GOLGA2: variants seen among roughly 807,000 people sequenced by gnomAD.
GOLGA2 encodes the protein golgin A2, also known as golgin subfamily A member 2.
A neutral mutation model predicts 148.8 loss-of-function variants in GOLGA2; 49 were observed. The ratio of observed to expected loss-of-function variants is 0.33; its 90% CI spans 0.26 to 0.42. The LOEUF (loss-of-function observed/expected upper bound fraction) is 0.42, where lower values mean the gene tolerates loss of function less well. GOLGA2 is among the 10% of genes least tolerant of loss of function. GOLGA2 has a pLI of 1.00. For synonymous variants in GOLGA2, 501 were observed against 511.8 expected (o/e 0.98, Z 0.28); for missense variants, 1,178 against 1,304.6 (o/e 0.90, Z 1.49).
chr9:128,262,953 C>A, intron 13 of GOLGA2, 81 bp downstream of exon 13: 1 of 992,770 alleles, frequency 1.0e-6, no homozygotes. Flanking sequence ...CCTCATCATG[C>A]TTACCTGTAC....
At chr9:128,262,807 T>C in intron 13 of GOLGA2, 103 bp from the exon 14 acceptor site, 1 of 1,119,376 alleles carries the variant, frequency 8.9e-7, no homozygotes, top group Non-Finnish European at 1.3e-6. Flanking sequence ...ACTGTGGCAC[T>C]GGAAGGAACC....
intron 4 of GOLGA2, 67 bp from the exon 5 acceptor site, chr9:128,268,227 G>A: frequency 7.3e-7 from 1 of 1,366,552 alleles, no homozygotes. Flanking sequence ...GATGGGGTGA[G>A]TCAAGCTCCC....
chr9:128,275,095 C>A (rs1169241854), intron 1 of GOLGA2, among the ~76,000 whole-genome samples: 1 of 151,682 alleles, frequency 6.6e-6, no homozygotes, highest in African/African-American at 2.4e-5. Flanking sequence ...CACATTGCCA[C>A]CCAGAGATAC....
rs1443273631 is a variant in GOLGA2 at position 128,256,847 on chromosome 9, C to CT, written c.*219dup. 2 of 414,478 alleles carry CT rather than the reference C, an allele frequency of 4.8e-6. No homozygotes were observed. The highest frequency in any genetic ancestry group is 8.6e-6 in the Non-Finnish European group (2 of 232,478). The allele number at this position is 414,478 out of a possible 1,614,324, so 25.7% of individuals were successfully genotyped here. On this transcript the variant is annotated 3_prime_UTR_variant, in exon 27 of 27. Coordinates refer to ENST00000611957, the MANE Select transcript of GOLGA2 (RefSeq NM_001366244.2). ...ACCCATAACCTTTTTTATCCCATAA[C>CT]TTTTTTTAATCCCATAACTTTTAAT...
chr9:128,261,600 T>A lies in GOLGA2; in HGVS notation c.1225-39A>T. On this transcript the variant is annotated intron_variant, in intron 15 of 26. Transcript: ENST00000611957. The surrounding 1 kb of genome is among the most constrained non-coding windows in gnomAD (Gnocchi z 5.7). ...CACAGAAATGAGGAAGGACTGTCAC[T>A]GGTTGTCACCTACTCCTGGCCACCT... The A allele has an allele frequency of 6.6e-7, 1 of 1,518,982 alleles. No homozygotes were observed. The highest frequency in any genetic ancestry group is 1.1e-5 in the South Asian group (1 of 89,280). 94.1% of individuals were successfully genotyped at this position (1,518,982 alleles called of 1,614,324 possible). A position where few individuals can be genotyped will look rare whatever the true frequency, so the allele number is the denominator to read the frequency against.
chr9:128,258,681 A>C lies in GOLGA2; in HGVS notation c.2174-111T>G. On this transcript the variant is annotated intron_variant, in intron 21 of 26. Transcript: ENST00000611957. This position sits in a 1 kb window ranked among gnomAD's most constrained non-coding sequence, Gnocchi z 6.6. ...TGGGCCAGCCCCTCCCCAGAGGGAA[A>C]TAAGCATCTGTTCTTTATTTTTATT... 1 of 736,012 alleles carries C rather than the reference A, an allele frequency of 1.4e-6. No homozygotes were observed. Among genetic ancestry groups the C allele is most frequent in the Non-Finnish European group, 2.2e-6 (1 of 449,302 alleles). The allele number at this position is 736,012 out of a possible 1,614,324, so 45.6% of individuals were successfully genotyped here. A position where few individuals can be genotyped will look rare whatever the true frequency, so the allele number is the denominator to read the frequency against.
Position 128,275,887 on chromosome 9 carries a change from C to G in GOLGA2, c.84+6G>C. Reference sequence around the variant, plus strand: ...GGTCGGGGGGCCGCGACCCGGTGCACTTTACCTTTTTCTTCGCTGCGGCCA... The same window carrying G: ...GGTCGGGGGGCCGCGACCCGGTGCAGTTTACCTTTTTCTTCGCTGCGGCCA... On this transcript the variant is annotated splice_donor_region_variant and intron_variant, in intron 1 of 26. Transcript: ENST00000611957. 2.6e-6 allele frequency: 4 copies of G among 1,533,492 alleles called. No individual in the cohort carries two copies. The highest frequency in any genetic ancestry group is 3.5e-6 in the Non-Finnish European group (4 of 1,127,724). 95.0% of individuals were successfully genotyped at this position (1,533,492 alleles called of 1,614,324 possible).
chr9:128,272,740 C>T (rs753452377), intron 3 of GOLGA2, 45 bp downstream of exon 3: 6 of 701,094 alleles, frequency 8.6e-6, no homozygotes, highest in African/African-American at 7.5e-5. Context: ...GGGGCATGCA[C>T]AGCTGGAGAG....
At chr9:128,273,249 G>A (rs1373507284) in intron 2 of GOLGA2, among the ~76,000 whole-genome samples, 2 of 152,124 alleles carry the variant, frequency 1.3e-5, no homozygotes, top group African/African-American at 4.8e-5. Context: ...TGAACAAAGG[G>A]GGCTCCAGCT....
At chr9:128,262,925 T>C in intron 13 of GOLGA2, 109 bp downstream of exon 13, 2 of 862,582 alleles carry the variant, frequency 2.3e-6, no homozygotes, top group Non-Finnish European at 3.9e-6. Context: ...TGGGCACACA[T>C]GCACACCTCT....
chr9:128,256,872 T>G lies in GOLGA2; in HGVS notation c.*195A>C, dbSNP rs1005743721. On this transcript the variant is annotated 3_prime_UTR_variant, in exon 27 of 27. Transcript: ENST00000611957. Reference sequence around the variant, plus strand: ...CTTTTTTTAATCCCATAACTTTTAATTTTTTTTTAATTTAGTGGCCAGCTT... The same window carrying G: ...CTTTTTTTAATCCCATAACTTTTAAGTTTTTTTTAATTTAGTGGCCAGCTT... 7.1e-5 allele frequency: 31 copies of G among 434,826 alleles called. No individual in the cohort carries two copies. The highest frequency in any genetic ancestry group is 1.2e-4 in the Non-Finnish European group (28 of 242,254). 26.9% of individuals were successfully genotyped at this position (434,826 alleles called of 1,614,324 possible). A position where few individuals can be genotyped will look rare whatever the true frequency, so the allele number is the denominator to read the frequency against.
At position 128,273,976 on chromosome 9, in the gene GOLGA2, T is replaced by A. The variant is rs1554791102; in HGVS notation, c.85-4A>T. The A allele has an allele frequency of 6.2e-7, 1 of 1,611,094 alleles. No homozygotes were observed. Among genetic ancestry groups the A allele is most frequent in the South Asian group, 1.1e-5 (1 of 90,784 alleles). ...TCCTCTGCTGATATTCTCTCAACTG[T>A]GGAAAAGAAGAGCAATAATATTCAT... is the stretch of plus-strand genomic sequence containing the variant. On this transcript the variant is annotated splice_region_variant and splice_polypyrimidine_tract_variant and intron_variant, in intron 1 of 26. Coordinates refer to ENST00000611957, the MANE Select transcript of GOLGA2 (RefSeq NM_001366244.2).
chr9:128,259,463 C>T (rs750976647), intron 19 of GOLGA2, 72 bp from the exon 20 acceptor site: 20 of 975,584 alleles, frequency 2.1e-5, no homozygotes, highest in African/African-American at 1.1e-4. Context: ...AATAGGGTAG[C>T]GAGGGCTCTG....
intron 8 of GOLGA2, 130 bp downstream of exon 8, chr9:128,267,064 G>C (rs1830634807): frequency 2.7e-6 from 2 of 745,134 alleles, no homozygotes; most frequent in African/African-American, 3.5e-5. Flanking sequence ...CTCCAGCTGA[G>C]GCCTGGGCCC....
In GOLGA2 at chr9:128,271,616, TC is replaced by T. The variant is rs1459269849; in HGVS notation, c.288+1168del. On this transcript the variant is annotated intron_variant, in intron 3 of 26. Coordinates refer to ENST00000611957, the MANE Select transcript of GOLGA2 (RefSeq NM_001366244.2). The surrounding 1 kb of genome is among the most constrained non-coding windows in gnomAD (Gnocchi z 4.4). ...TCACCGCTCCCCCTGCCTCCCCCACTCCCCATATGGATTAATGTTACCCACC... is the reference window on the plus strand; with the variant it reads ...TCACCGCTCCCCCTGCCTCCCCCACTCCCATATGGATTAATGTTACCCACC... Among the ~76,000 whole-genome samples the T allele has an allele frequency of 3.7e-4, 56 of 149,544 alleles. No homozygotes were observed. Among genetic ancestry groups the T allele is most frequent in the Admixed American group, 3.5e-3 (53 of 14,962 alleles).
In GOLGA2 at chr9:128,257,846, C is replaced by A. The variant is rs1384241207; in HGVS notation, c.2555G>T (p.Arg852Met). The A allele has an allele frequency of 6.2e-7, 1 of 1,614,178 alleles. No homozygotes were observed. Among genetic ancestry groups the A allele is most frequent in the Non-Finnish European group, 8.5e-7 (1 of 1,180,022 alleles). ...GCAGCGATGTTCCAGTTCCTCTACCCTCTCCTTCAGGTCTGCCTTCTCCTG... is the reference window on the plus strand; with the variant it reads ...GCAGCGATGTTCCAGTTCCTCTACCATCTCCTTCAGGTCTGCCTTCTCCTG... ...LMQEKADLKE[R>M]VEELEHRCIQ... The change falls in exon 24 of 27, where the codon AGG becomes ATG. Residue 852 changes from arginine to methionine, a missense_variant. This residue lies in a region of GOLGA2 where 529 missense variants were observed against 521.8 expected (regional missense o/e 1.01). Transcript: ENST00000611957. The surrounding 1 kb of genome is among the most constrained non-coding windows in gnomAD (Gnocchi z 8.0).
chr9:128,263,381 G>A (rs1830392202), intron 12 of GOLGA2, among the ~76,000 whole-genome samples: 1 of 152,140 alleles, frequency 6.6e-6, no homozygotes, highest in Non-Finnish European at 1.5e-5. Flanking sequence ...CTCCTGAGTA[G>A]CTGGGACTAT....
Position 128,258,482 on chromosome 9 carries a change from C to T in GOLGA2, c.2262G>A (p.Pro754=), listed in dbSNP as rs553820731. 1.1e-5 allele frequency: 17 copies of T among 1,612,774 alleles called. No individual in the cohort carries two copies. The African/African-American group carries it at 1.3e-4, about 13-fold the overall frequency. ...VAVPQPMPSI[P]EDLESREAMV... ...TGGCTTCCCGGCTCTCCAGGTCCTCCGGGATGCTTGGCATGGGCTGAGGTA... is the reference window on the plus strand; with the variant it reads ...TGGCTTCCCGGCTCTCCAGGTCCTCTGGGATGCTTGGCATGGGCTGAGGTA... Residue 754 remains proline (P), a synonymous_variant, in exon 22 of 27, where the codon CCG becomes CCA. Transcript: ENST00000611957. This position sits in a 1 kb window ranked among gnomAD's most constrained non-coding sequence, Gnocchi z 6.6.
intron 3 of GOLGA2, among the ~76,000 whole-genome samples, chr9:128,270,331 C>T (rs1830862140): frequency 6.6e-6 from 1 of 151,894 alleles, no homozygotes; most frequent in Admixed American, 6.6e-5. Context: ...GGGGTTTCAC[C>T]ATGTTGGCCA....
Sources: gnomAD v4.1 joint callset for allele counts (sites outside exome capture counted in the v4.1 genomes callset) on GRCh38, gnomAD v4.1.1 for gene constraint, gnomAD v4.1.1 regional missense constraint, Gnocchi (gnomAD v3.1) non-coding constraint, MANE v1.5 for transcripts, NCBI Gene and HGNC (gene_info 2026-07-23, HGNC 2026-07-21) for gene names.